Variants in THSD7B observed in about 807,000 individuals in gnomAD.
THSD7B encodes the protein thrombospondin type 1 domain containing 7B.
A neutral mutation model predicts 213.6 loss-of-function variants in THSD7B; 138 were observed. The ratio of observed to expected loss-of-function variants is 0.65; its 90% CI spans 0.56 to 0.74. The LOEUF (loss-of-function observed/expected upper bound fraction) is 0.74. THSD7B is among the 30% of genes least tolerant of loss of function. The probability of loss-of-function intolerance (pLI) is 0.00; values close to 1 mark genes in which losing one functional copy is unlikely to be tolerated. For missense variants in THSD7B, 1,931 were observed against 1,991.5 expected, an observed-to-expected ratio of 0.97 and a Z score of 0.58; for synonymous variants, 742 against 687.0, an observed-to-expected ratio of 1.08 and a Z score of -1.25.
rs537456259 is a variant in THSD7B at position 136,884,653 on chromosome 2, A to G, written c.139+2336A>G. 3.3e-5 allele frequency among the ~76,000 whole-genome samples: 5 copies of G among 152,346 alleles called. No individual in the cohort carries two copies. The South Asian group carries it at 1.0e-3, about 32-fold the overall frequency. On this transcript the variant is annotated intron_variant, in intron 2 of 27. Coordinates refer to ENST00000409968, the MANE Select transcript of THSD7B (RefSeq NM_001316349.2). ...ATACACACATATTTCATGTAAGTGG[A>G]ATCATACTCTGCACTGCTTTCTGCA...
At chr2:136,852,850 C>T (rs1367122) in intron 1 of THSD7B, among the ~76,000 whole-genome samples, 29,586 of 151,868 alleles carry the variant, frequency 0.19, 3,290 homozygotes, top group Middle Eastern at 0.35. Flanking sequence ...GTCTTTCATA[C>T]CATTAAATTT....
chr2:137,240,372 T>A (rs913504149), intron 9 of THSD7B, among the ~76,000 whole-genome samples: 1 of 152,254 alleles, frequency 6.6e-6, no homozygotes, highest in East Asian at 1.9e-4. Flanking sequence ...TGTAAGTTGA[T>A]GAGGTCTGAT....
intron 15 of THSD7B, among the ~76,000 whole-genome samples, chr2:137,474,792 T>A (rs972744103): frequency 6.6e-6 from 1 of 152,138 alleles, no homozygotes; most frequent in African/African-American, 2.4e-5. Context: ...TTATCACAAA[T>A]GATGAAAATA....
chr2:136,802,639 T>TTATATATATATATATATATA (rs56719114), intron 1 of THSD7B, among the ~76,000 whole-genome samples: 5 of 57,380 alleles, frequency 8.7e-5, no homozygotes, highest in Admixed American at 2.4e-4. Flanking sequence ...TGAATTAAGT[T>TTATATATATATATATATATA]TATATATATA....
intron 12 of THSD7B, among the ~76,000 whole-genome samples, chr2:137,360,394 C>T (rs1423166865): frequency 6.6e-6 from 1 of 152,104 alleles, no homozygotes; most frequent in Non-Finnish European, 1.5e-5. Flanking sequence ...GGAGGGTGAG[C>T]TGAAGCAGAG....
intron 1 of THSD7B, among the ~76,000 whole-genome samples, chr2:136,822,134 G>T (rs879347866): frequency 5.9e-5 from 9 of 152,088 alleles, no homozygotes; most frequent in Non-Finnish European, 1.2e-4. Context: ...TAAAGAGGAG[G>T]TTCAGTCTTC....
intron 5 of THSD7B, among the ~76,000 whole-genome samples, chr2:137,139,350 GA>G (rs1156529903): frequency 2.6e-5 from 4 of 151,830 alleles, no homozygotes; most frequent in Admixed American, 6.6e-5. Flanking sequence ...TTATATCTCT[GA>G]AAAAAAATTA....
intron 22 of THSD7B, among the ~76,000 whole-genome samples, chr2:137,656,556 C>T (rs555425359): frequency 6.6e-6 from 1 of 152,190 alleles, no homozygotes; most frequent in South Asian, 2.1e-4. Flanking sequence ...GTGACTACTA[C>T]AATTTGAAGC....
chr2:137,128,612 G>T (rs72987574), intron 5 of THSD7B, among the ~76,000 whole-genome samples: 1 of 152,220 alleles, frequency 6.6e-6, no homozygotes, highest in African/African-American at 2.4e-5. Context: ...GAGACCTGCA[G>T]TAGTTGAAAC....
chr2:137,089,478 C>A lies in THSD7B; in HGVS notation c.951-5395C>A, dbSNP rs995980579. ...TGTATAAGATGAAATATGACTCAGC[C>A]ATAAAAAGGAATGAATTAATGGCAT... On this transcript the variant is annotated intron_variant, in intron 3 of 27. Transcript: ENST00000409968. Among the ~76,000 whole-genome samples the A allele has an allele frequency of 6.6e-5, 10 of 151,156 alleles. No individual in the cohort carries two copies. In the East Asian group the frequency reaches 1.9e-3, roughly 29 times the overall value.
intron 7 of THSD7B, among the ~76,000 whole-genome samples, chr2:137,178,908 C>T (rs1018968398): frequency 6.6e-6 from 1 of 152,154 alleles, no homozygotes; most frequent in African/African-American, 2.4e-5. Context: ...CACTACTCCA[C>T]CAGTGTTTCA....
At chr2:137,067,887 G>C (rs1687410912) in intron 3 of THSD7B, among the ~76,000 whole-genome samples, 1 of 151,974 alleles carries the variant, frequency 6.6e-6, no homozygotes. Flanking sequence ...TGAGAACCTG[G>C]CAGGGCTACT....
At chr2:137,397,974 C>T (rs1232555438) in intron 12 of THSD7B, among the ~76,000 whole-genome samples, 1 of 81,962 alleles carries the variant, frequency 1.2e-5, no homozygotes, top group African/African-American at 4.1e-5. Context: ...CCTGAGGCTT[C>T]TGCATTCTTC....
chr2:136,900,272 G>A (rs6760847), intron 2 of THSD7B, among the ~76,000 whole-genome samples: 3,140 of 152,244 alleles, frequency 0.021, 60 homozygotes, highest in East Asian at 0.092. Flanking sequence ...CATACCTGTT[G>A]TGTACATGTG....
At chr2:137,663,987 G>A (rs1283094180) in intron 26 of THSD7B, among the ~76,000 whole-genome samples, 1 of 152,030 alleles carries the variant, frequency 6.6e-6, no homozygotes, top group Non-Finnish European at 1.5e-5. Flanking sequence ...GAGTAGCTGG[G>A]ATTACAGGTG....
In THSD7B at chr2:137,095,097, G is replaced by A. The variant is rs758308510; in HGVS notation, c.1175G>A (p.Gly392Glu). The change falls in exon 4 of 28, where the codon GGA becomes GAA. Residue 392 changes from glycine (G) to glutamate (E), a missense_variant. Transcript: ENST00000409968. ...LLEKEACIVEGELLQQCPRYS... is the reference protein window; with the variant it reads ...LLEKEACIVEEELLQQCPRYS... The stretch of plus-strand genomic sequence containing the variant: ...GAGAAAGAGGCCTGCATTGTTGAAG[G>A]AGAACTTCTGCAGCAATGTCCCAGG... 2.5e-6 allele frequency: 4 copies of A among 1,613,826 alleles called. No homozygotes were observed. In the East Asian group the frequency reaches 6.7e-5, roughly 27 times the overall value.
At chr2:137,108,138 C>CATTA (rs1416516117) in intron 4 of THSD7B, among the ~76,000 whole-genome samples, 1 of 152,118 alleles carries the variant, frequency 6.6e-6, no homozygotes, top group Non-Finnish European at 1.5e-5. Context: ...AAAACATGAC[C>CATTA]ATTAACTAAT....
chr2:136,970,704 T>G (rs1685390957), intron 2 of THSD7B, among the ~76,000 whole-genome samples: 1 of 152,142 alleles, frequency 6.6e-6, no homozygotes, highest in Admixed American at 6.5e-5. Context: ...AAGGTCCAGT[T>G]TAGTAAATGA....
At chr2:137,332,754 T>C (rs1684544062) in intron 12 of THSD7B, among the ~76,000 whole-genome samples, 1 of 152,164 alleles carries the variant, frequency 6.6e-6, no homozygotes, top group African/African-American at 2.4e-5. Context: ...TCTTGTGATC[T>C]CACAAGATCT....
Sources: gnomAD v4.1 joint callset for allele counts (sites outside exome capture counted in the v4.1 genomes callset) on GRCh38, gnomAD v4.1.1 for gene constraint, MANE v1.5 for transcripts, NCBI Gene and HGNC (gene_info 2026-07-23, HGNC 2026-07-21) for gene names.